PTPRG: variants seen among roughly 807,000 people sequenced by gnomAD.
PTPRG encodes receptor-type tyrosine-protein phosphatase gamma.
PTPRG carries 102 observed loss-of-function variants against 165.3 expected under a neutral mutation model. The ratio of observed to expected loss-of-function variants is 0.62; its 90% CI spans 0.53 to 0.73. The LOEUF is 0.73. PTPRG is among the 30% of genes least tolerant of loss of function. PTPRG has a pLI of 0.00. For missense variants in PTPRG, 1,866 were observed against 1,861.4 expected, an observed-to-expected ratio of 1.00 and a Z score of -0.05; for synonymous variants, 675 against 669.5, an observed-to-expected ratio of 1.01 and a Z score of -0.13.
rs1701265960 is a variant in PTPRG at position 62,245,321 on chromosome 3, A to G, written c.2467+1423A>G. On this transcript the variant is annotated intron_variant, in intron 15 of 29. Transcript: ENST00000474889. This position sits in a 1 kb window ranked among gnomAD's most constrained non-coding sequence, Gnocchi z 4.2. ...TGAAATAAGTAGTTTCATTGAATCTACTGGATTTGCACAATAGCGTGCATA... is the reference window on the plus strand; with the variant it reads ...TGAAATAAGTAGTTTCATTGAATCTGCTGGATTTGCACAATAGCGTGCATA... 6.6e-6 allele frequency among the ~76,000 whole-genome samples: 1 copy of G among 152,136 alleles called. No homozygotes were observed. Among genetic ancestry groups the G allele is most frequent in the Admixed American group, 6.6e-5 (1 of 15,254 alleles).
intron 5 of PTPRG, among the ~76,000 whole-genome samples, chr3:62,096,309 G>T (rs562501461): frequency 6.6e-6 from 1 of 152,292 alleles, no homozygotes; most frequent in African/African-American, 2.4e-5. Context: ...CAGGTCAGAA[G>T]GGGCTTTAGA....
At chr3:62,266,804 G>A (rs1407599773) in intron 17 of PTPRG, among the ~76,000 whole-genome samples, 1 of 146,624 alleles carries the variant, frequency 6.8e-6, no homozygotes. Flanking sequence ...AAAAAAACAG[G>A]CACAATCTGC....
chr3:61,830,566 G>GTTTTTTTTTTTTTTTTTTTTTT (rs57644199), intron 2 of PTPRG, among the ~76,000 whole-genome samples: 1 of 86,500 alleles, frequency 1.2e-5, no homozygotes, highest in Non-Finnish European at 2.3e-5. Context: ...TTTTGTTTTT[G>GTTTTTTTTTTTTTTTTTTTTTT]TTTTTTTTTT....
intron 1 of PTPRG, among the ~76,000 whole-genome samples, chr3:61,661,468 GTT>G (rs773945843): frequency 6.6e-6 from 1 of 152,132 alleles, no homozygotes; most frequent in Non-Finnish European, 1.5e-5. Flanking sequence ...TTCCTAGGCA[GTT>G]TAGAATATGT....
intron 2 of PTPRG, among the ~76,000 whole-genome samples, chr3:61,896,031 A>G (rs1048796744): frequency 6.6e-6 from 1 of 152,042 alleles, no homozygotes; most frequent in Non-Finnish European, 1.5e-5. Flanking sequence ...TCTTCTTCAG[A>G]TTTCCTGATT....
At chr3:61,632,275 C>G (rs1304743102) in intron 1 of PTPRG, among the ~76,000 whole-genome samples, 1 of 152,042 alleles carries the variant, frequency 6.6e-6, no homozygotes, top group Admixed American at 6.5e-5. Flanking sequence ...TGCCATTGCA[C>G]TCCAGTCTGG....
intron 2 of PTPRG, among the ~76,000 whole-genome samples, chr3:61,918,604 G>A (rs573769842): frequency 3.3e-5 from 5 of 152,268 alleles, no homozygotes; most frequent in African/African-American, 1.2e-4. Context: ...CATACATGTT[G>A]TCTAATTATT....
chr3:62,203,953 A>C lies in PTPRG; in HGVS notation c.2155+3A>C. The C allele has an allele frequency of 1.3e-6, 2 of 1,557,130 alleles. No individual in the cohort carries two copies. The highest frequency in any genetic ancestry group is 1.7e-6 in the Non-Finnish European group (2 of 1,148,640). Reference sequence around the variant, plus strand: ...CAGATTTATCACTGTTAATCCAGGTAAGTGGTGCAGGTCTTCTTCGAGGGT... The same window carrying C: ...CAGATTTATCACTGTTAATCCAGGTCAGTGGTGCAGGTCTTCTTCGAGGGT... On this transcript the variant is annotated splice_donor_region_variant and intron_variant, in intron 12 of 29. Coordinates refer to ENST00000474889, the MANE Select transcript of PTPRG (RefSeq NM_002841.4). This position sits in a 1 kb window ranked among gnomAD's most constrained non-coding sequence, Gnocchi z 6.4.
At chr3:61,680,195 G>C (rs1703382582) in intron 1 of PTPRG, among the ~76,000 whole-genome samples, 1 of 152,140 alleles carries the variant, frequency 6.6e-6, no homozygotes, top group Non-Finnish European at 1.5e-5. Flanking sequence ...GCTTGTCCAA[G>C]TGTAATTATT....
chr3:61,904,535 C>T (rs1159938782), intron 2 of PTPRG, among the ~76,000 whole-genome samples: 4 of 152,078 alleles, frequency 2.6e-5, no homozygotes, highest in African/African-American at 7.2e-5. Context: ...TATAGACTGC[C>T]AATTTACAGG....
intron 5 of PTPRG, among the ~76,000 whole-genome samples, chr3:62,078,888 G>C (rs112390159): frequency 3.9e-4 from 60 of 152,302 alleles, no homozygotes; most frequent in African/African-American, 1.3e-3. Context: ...TCAAATCAAA[G>C]TAGTGTTGAT....
rs1486095986 is a variant in PTPRG, at chr3:62,294,878, A to G, written c.*1571A>G. ...CATGCCATCTGGGTATGCATTAAAC[A>G]TTAATGATGATCAGCACTGAGGTTC... On this transcript the variant is annotated 3_prime_UTR_variant, in exon 30 of 30. Coordinates refer to ENST00000474889, the MANE Select transcript of PTPRG (RefSeq NM_002841.4). The G allele has an allele frequency of 6.6e-6, 1 of 152,122 alleles. No homozygotes were observed. Among genetic ancestry groups the G allele is most frequent in the Admixed American group, 6.6e-5 (1 of 15,248 alleles). 9.4% of individuals were successfully genotyped at this position (152,122 alleles called of 1,614,324 possible).
chr3:61,728,425 A>T (rs2032348574), intron 1 of PTPRG, among the ~76,000 whole-genome samples: 1 of 152,132 alleles, frequency 6.6e-6, no homozygotes, highest in Non-Finnish European at 1.5e-5. Context: ...CTACAAAAAA[A>T]TTAAAAAATT....
chr3:61,849,361 T>G (rs1305455104), intron 2 of PTPRG, among the ~76,000 whole-genome samples: 1 of 152,224 alleles, frequency 6.6e-6, no homozygotes, highest in Non-Finnish European at 1.5e-5. Flanking sequence ...GGAAATTTCA[T>G]GAATAATTTT....
intron 2 of PTPRG, among the ~76,000 whole-genome samples, chr3:61,809,152 A>C (rs2035500487): frequency 1.3e-5 from 2 of 151,238 alleles, no homozygotes. Context: ...GTTGTTTCTT[A>C]TTATTATCAC....
intron 6 of PTPRG, among the ~76,000 whole-genome samples, chr3:62,140,095 G>A (rs1022250895): frequency 2.0e-5 from 3 of 152,122 alleles, no homozygotes; most frequent in African/African-American, 7.2e-5. Context: ...TTACACAATT[G>A]CTGTTGCATC....
intron 2 of PTPRG, among the ~76,000 whole-genome samples, chr3:61,795,503 G>T (rs575265351): frequency 6.6e-6 from 1 of 151,848 alleles, no homozygotes; most frequent in South Asian, 2.1e-4. Context: ...AGCCGGGCAT[G>T]GTGGTAGGTA....
intron 1 of PTPRG, among the ~76,000 whole-genome samples, chr3:61,662,636 A>G (rs1702698001): frequency 6.6e-6 from 1 of 152,240 alleles, no homozygotes; most frequent in Non-Finnish European, 1.5e-5. Flanking sequence ...GGTGGGGGTC[A>G]GATACACAGG....
At position 62,210,357 on chromosome 3, in the gene PTPRG, A is replaced by G; in HGVS notation, c.2155+6407A>G. Among the ~76,000 whole-genome samples the G allele has an allele frequency of 6.6e-6, 1 of 152,214 alleles. No homozygotes were observed. Among genetic ancestry groups the G allele is most frequent in the South Asian group, 2.1e-4 (1 of 4,830 alleles). ...TAAAAGGCCAGTTTTGTGGCCCTGT[A>G]AAAACAGCAGCCACCTTATCATTTC... is the stretch of plus-strand genomic sequence containing the variant. On this transcript the variant is annotated intron_variant, in intron 12 of 29. Transcript: ENST00000474889. This position sits in a 1 kb window ranked among gnomAD's most constrained non-coding sequence, Gnocchi z 4.1.
Sources: allele counts gnomAD v4.1 joint callset (sites outside exome capture counted in the v4.1 genomes callset), GRCh38; gene constraint gnomAD v4.1.1; non-coding constraint Gnocchi (gnomAD v3.1); transcripts MANE v1.5; gene names NCBI Gene and HGNC (gene_info 2026-07-23, HGNC 2026-07-21).